GALNTL6: variants seen among roughly 807,000 people sequenced by gnomAD.
GALNTL6 encodes polypeptide N-acetylgalactosaminyltransferase like 6, also known as polypeptide N-acetylgalactosaminyltransferase-like 6.
A neutral mutation model predicts 73.7 loss-of-function variants in GALNTL6; 46 were observed. The ratio of observed to expected loss-of-function variants is 0.62; its 90% CI spans 0.49 to 0.80. The LOEUF (loss-of-function observed/expected upper bound fraction) is 0.80. Among genes scored for constraint, GALNTL6 ranks in the 30% least tolerant of loss-of-function variants. The probability of loss-of-function intolerance (pLI) is 0.00; values close to 1 mark genes in which losing one functional copy is unlikely to be tolerated. For missense variants in GALNTL6, 604 were observed against 755.0 expected (o/e 0.80, Z 2.34); for synonymous variants, 259 against 263.7 (o/e 0.98, Z 0.17).
intron 10 of GALNTL6, among the ~76,000 whole-genome samples, chr4:172,955,305 C>T (rs1320240978): frequency 6.6e-6 from 1 of 151,916 alleles, no homozygotes; most frequent in Non-Finnish European, 1.5e-5. Flanking sequence ...TGGTGAAACC[C>T]TATCTCTACT....
chr4:172,099,793 G>A (rs935066975), intron 2 of GALNTL6, among the ~76,000 whole-genome samples: 6 of 152,148 alleles, frequency 3.9e-5, no homozygotes, highest in African/African-American at 9.6e-5. Flanking sequence ...GTTAGAACAC[G>A]ATACTTAAAT....
intron 2 of GALNTL6, among the ~76,000 whole-genome samples, chr4:171,916,585 G>A (rs574018967): frequency 6.6e-6 from 1 of 152,040 alleles, no homozygotes; most frequent in Non-Finnish European, 1.5e-5. Flanking sequence ...TGTACAACTG[G>A]CTTCCTTTAA....
intron 5 of GALNTL6, among the ~76,000 whole-genome samples, chr4:172,514,281 T>A (rs2110798190): frequency 6.6e-6 from 1 of 151,958 alleles, no homozygotes; most frequent in East Asian, 1.9e-4. Context: ...GCTTTTGGGG[T>A]GTGGTTCTCA....
At position 172,037,343 on chromosome 4, in the gene GALNTL6, C is replaced by A. The variant is rs560196524; in HGVS notation, c.139-192313C>A. On this transcript the variant is annotated intron_variant, in intron 2 of 12. Coordinates refer to ENST00000506823, the MANE Select transcript of GALNTL6 (RefSeq NM_001034845.3). ...AATCTCCCCACTGCACAGCAATCCT[C>A]TTACATTTTCCTAGTCAGCTCTTCC... is the stretch of plus-strand genomic sequence containing the variant. Among the ~76,000 whole-genome samples the A allele has an allele frequency of 8.1e-4, 124 of 152,286 alleles. 2 individuals are homozygous for A. The highest frequency in any genetic ancestry group is 3.4e-3 in the Middle Eastern group (1 of 294).
intron 2 of GALNTL6, among the ~76,000 whole-genome samples, chr4:172,179,678 A>G (rs1351014372): frequency 6.7e-6 from 1 of 149,448 alleles, no homozygotes; most frequent in Non-Finnish European, 1.5e-5. Flanking sequence ...CCATTTGTCA[A>G]TTTTGGCTTT....
At chr4:172,475,978 T>A (rs1237991373) in intron 5 of GALNTL6, among the ~76,000 whole-genome samples, 1 of 152,216 alleles carries the variant, frequency 6.6e-6, no homozygotes, top group Non-Finnish European at 1.5e-5. Flanking sequence ...CATAATAATT[T>A]TTTTAGTGAA....
At chr4:172,488,499 A>G (rs1311295512) in intron 5 of GALNTL6, among the ~76,000 whole-genome samples, 3 of 152,160 alleles carry the variant, frequency 2.0e-5, no homozygotes, top group African/African-American at 7.2e-5. Context: ...GCTTGTCCCC[A>G]TGACCTCGCT....
intron 2 of GALNTL6, among the ~76,000 whole-genome samples, chr4:171,832,997 G>A (rs1283044243): frequency 6.6e-6 from 1 of 151,722 alleles, no homozygotes; most frequent in African/African-American, 2.4e-5. Flanking sequence ...AGCCTTAAAT[G>A]CTAATTTTAA....
intron 2 of GALNTL6, among the ~76,000 whole-genome samples, chr4:172,160,679 G>A (rs1579197823): frequency 6.6e-6 from 1 of 151,782 alleles, no homozygotes; most frequent in African/African-American, 2.4e-5. Context: ...GTCCCGAAGA[G>A]GATTAGAAAC....
At chr4:172,592,311 G>A (rs1004211590) in intron 5 of GALNTL6, among the ~76,000 whole-genome samples, 2 of 152,138 alleles carry the variant, frequency 1.3e-5, no homozygotes, top group Non-Finnish European at 2.9e-5. Context: ...CCAGTCTCCT[G>A]AGAGGGAGAA....
intron 2 of GALNTL6, among the ~76,000 whole-genome samples, chr4:172,177,837 A>ATATGTGTGTGTATATATACACACACATC (rs1735093347): frequency 2.8e-5 from 2 of 71,332 alleles, no homozygotes; most frequent in Admixed American, 1.5e-4. Flanking sequence ...ACACACACAT[A>ATATGTGTGTGTATATATACACACACATC]TATATGTGTA....
At chr4:172,569,000 G>T (rs562432384) in intron 5 of GALNTL6, among the ~76,000 whole-genome samples, 2 of 151,498 alleles carry the variant, frequency 1.3e-5, no homozygotes, top group Non-Finnish European at 2.9e-5. Flanking sequence ...GTGGCCCAGG[G>T]AAGCCAAAAA....
chr4:172,151,908 AT>A (rs1436959165), intron 2 of GALNTL6, among the ~76,000 whole-genome samples: 2 of 149,672 alleles, frequency 1.3e-5, no homozygotes, highest in African/African-American at 4.9e-5. Flanking sequence ...ATATATAAAA[AT>A]ATATATCTAT....
At chr4:172,107,733 G>C (rs1052097849) in intron 2 of GALNTL6, among the ~76,000 whole-genome samples, 3 of 150,232 alleles carry the variant, frequency 2.0e-5, no homozygotes, top group African/African-American at 7.3e-5. Flanking sequence ...GTTAAATGAC[G>C]AGTTAATGGG....
intron 2 of GALNTL6, among the ~76,000 whole-genome samples, chr4:172,166,461 G>A (rs1252764551): frequency 6.6e-6 from 1 of 151,570 alleles, no homozygotes; most frequent in Non-Finnish European, 1.5e-5. Flanking sequence ...AAAAAAAATT[G>A]TATATGATGT....
chr4:172,442,115 G>A (rs1340068964), intron 5 of GALNTL6, among the ~76,000 whole-genome samples: 1 of 152,148 alleles, frequency 6.6e-6, no homozygotes, highest in Non-Finnish European at 1.5e-5. Flanking sequence ...ATCAGTTGAT[G>A]AAGATGTTTT....
At position 172,714,237 on chromosome 4, in the gene GALNTL6, G is replaced by A. The variant is rs185030473; in HGVS notation, c.554-95124G>A. Among the ~76,000 whole-genome samples, 19 of 152,148 alleles carry A rather than the reference G, an allele frequency of 1.2e-4. No homozygotes were observed. The East Asian group carries it at 1.5e-3, about 12-fold the overall frequency. On this transcript the variant is annotated intron_variant, in intron 5 of 12. Transcript: ENST00000506823. ...AGGACAGCTTGGAGGTTAGAAGCAA[G>A]ATAGAGTTGGTTAGATCAAATGTCT...
intron 4 of GALNTL6, among the ~76,000 whole-genome samples, chr4:172,325,809 A>C (rs1450768615): frequency 6.6e-6 from 1 of 151,868 alleles, no homozygotes; most frequent in Non-Finnish European, 1.5e-5. Flanking sequence ...AATACTAAAA[A>C]ATATATATAA....
In GALNTL6 at chr4:172,311,684, T is replaced by C. The variant is rs139507403; in HGVS notation, c.318T>C (p.Asn106=). 2.5e-6 allele frequency: 4 copies of C among 1,611,646 alleles called. No individual in the cohort carries two copies. The highest frequency in any genetic ancestry group is 3.4e-6 in the Non-Finnish European group (4 of 1,178,466). ...ATGATGACTCAGCTTACAGGGAAAA[T>C]GGTTTTAATATTTTCGTCAGCAACA... ...EDHDDSAYRE[N]GFNIFVSNNI... Residue 106 remains asparagine, a synonymous_variant, in exon 4 of 13, where the codon AAT becomes AAC. Transcript: ENST00000506823.
Sources: gnomAD v4.1 joint callset for allele counts (sites outside exome capture counted in the v4.1 genomes callset) on GRCh38, gnomAD v4.1.1 for gene constraint, MANE v1.5 for transcripts, NCBI Gene and HGNC (gene_info 2026-07-23, HGNC 2026-07-21) for gene names.